TNS3: variants seen among roughly 807,000 people sequenced by gnomAD.
The protein encoded by TNS3 is tensin 3, also known as tensin-3.
A neutral mutation model predicts 140.9 loss-of-function variants in TNS3; 45 were observed. That is an observed-to-expected ratio of 0.32 (90% CI 0.25 to 0.41). The LOEUF is 0.41. Among genes scored for constraint, TNS3 ranks in the 10% least tolerant of loss-of-function variants. TNS3 has a pLI of 1.00. For missense variants in TNS3, 1,716 were observed against 1,906.7 expected (o/e 0.90, Z 1.86); for synonymous variants, 815 against 788.4 (o/e 1.03, Z -0.56).
At chr7:47,496,047 C>T (rs2151844375) in intron 3 of TNS3, among the ~76,000 whole-genome samples, 1 of 152,208 alleles carries the variant, frequency 6.6e-6, no homozygotes, top group South Asian at 2.1e-4. Context: ...GGCCCCGATG[C>T]CACCCAGCCC....
chr7:47,582,354 C>G (rs1461793486), upstream of TNS3: 4 of 449,896 alleles, frequency 8.9e-6, no homozygotes, highest in Admixed American at 2.4e-5. Context: ...CTGGAATTAT[C>G]AGACCCATTG....
chr7:47,510,553 T>C (rs1019407946), intron 2 of TNS3, among the ~76,000 whole-genome samples: 1 of 152,114 alleles, frequency 6.6e-6, no homozygotes, highest in Non-Finnish European at 1.5e-5. Context: ...AAATTTGAGA[T>C]TTCAAGTGAA....
chr7:47,545,679 A>G (rs1032594897), intron 1 of TNS3, among the ~76,000 whole-genome samples: 4 of 151,580 alleles, frequency 2.6e-5, no homozygotes, highest in Admixed American at 2.6e-4. Context: ...TCTCTAATCG[A>G]CCCCCGTCCT....
chr7:47,347,230 T>C (rs1789395356), intron 17 of TNS3, among the ~76,000 whole-genome samples: 1 of 152,200 alleles, frequency 6.6e-6, no homozygotes, highest in Non-Finnish European at 1.5e-5. Context: ...AGATGGAGTT[T>C]GATTCATAAA....
At chr7:47,504,205 T>C (rs753885137) in intron 3 of TNS3, among the ~76,000 whole-genome samples, 19 of 152,194 alleles carry the variant, frequency 1.2e-4, no homozygotes, top group Non-Finnish European at 1.5e-5. Context: ...TAGCAGTCTT[T>C]TGGCGCTTCT....
At position 47,449,992 on chromosome 7, in the gene TNS3, G is replaced by A. The variant is rs142951349; in HGVS notation, c.-75-7937C>T. On this transcript the variant is annotated intron_variant, in intron 4 of 30. Coordinates refer to ENST00000311160, the MANE Select transcript of TNS3 (RefSeq NM_022748.12). ...TGAGCTCTACAGCCCCCTCCCATGC[G>A]GATCCAGCAGAGGCACTGGCAGTCT... is the stretch of plus-strand genomic sequence containing the variant. Among the ~76,000 whole-genome samples, 330 of 151,958 alleles carry A rather than the reference G, an allele frequency of 2.2e-3. 1 individual carries two copies. Among genetic ancestry groups the A allele is most frequent in the African/African-American group, 7.6e-3 (315 of 41,564 alleles).
intron 17 of TNS3, among the ~76,000 whole-genome samples, chr7:47,357,261 G>A (rs964743150): frequency 5.3e-5 from 8 of 152,248 alleles, no homozygotes; most frequent in East Asian, 1.9e-4. Context: ...GGAATAAAGC[G>A]CGACATCACA....
At chr7:47,278,420 C>G (rs1215980359) in intron 30 of TNS3, 200 bp from the exon 31 acceptor site, 4 of 604,664 alleles carry the variant, frequency 6.6e-6, no homozygotes, top group Admixed American at 3.1e-5. Context: ...GGATGTCTGA[C>G]TCTAGCTCTG....
At chr7:47,396,449 C>T (rs1295295606) in intron 16 of TNS3, 3 of 252,650 alleles carry the variant, frequency 1.2e-5, no homozygotes, top group South Asian at 5.8e-5. Context: ...CTGTGGCCAG[C>T]GCTTGGCATC....
Position 47,560,348 on chromosome 7 carries a change from T to C in TNS3, c.-265+21703A>G, listed in dbSNP as rs1049684548. Among the ~76,000 whole-genome samples, 3 of 152,106 alleles carry C rather than the reference T, an allele frequency of 2.0e-5. No homozygotes were observed. The East Asian group carries it at 5.8e-4, about 29-fold the overall frequency. ...CACCAGACACCGAGGGCCTTGATCT[T>C]GGACTTCCAGCCTCCAGAACTGTGA... On this transcript the variant is annotated intron_variant, in intron 1 of 30. Coordinates refer to ENST00000311160, the MANE Select transcript of TNS3 (RefSeq NM_022748.12).
chr7:47,528,878 C>T (rs1337569344), intron 2 of TNS3, among the ~76,000 whole-genome samples, 158 bp downstream of exon 2: 1 of 152,072 alleles, frequency 6.6e-6, no homozygotes. Context: ...ACGGTTGGCC[C>T]CTGCTAAGTA....
chr7:47,316,786 A>AC (rs1787440526), intron 20 of TNS3, among the ~76,000 whole-genome samples: 1 of 151,404 alleles, frequency 6.6e-6, no homozygotes, highest in Admixed American at 6.6e-5. Flanking sequence ...TCAAAAAAAA[A>AC]AAAAAAAAAA....
intron 16 of TNS3, among the ~76,000 whole-genome samples, chr7:47,387,550 A>G (rs554684448): frequency 5.3e-5 from 8 of 152,350 alleles, no homozygotes; most frequent in African/African-American, 1.9e-4. Flanking sequence ...CATAAGGACA[A>G]AGGACCCAAG....
At chr7:47,408,294 T>G (rs1793558816) in intron 13 of TNS3, among the ~76,000 whole-genome samples, 2 of 152,000 alleles carry the variant, frequency 1.3e-5, no homozygotes, top group African/African-American at 4.8e-5. Flanking sequence ...AACCCACACC[T>G]CCACCACACC....
At chr7:47,317,840 G>A (rs567856456) in intron 20 of TNS3, among the ~76,000 whole-genome samples, 1 of 152,162 alleles carries the variant, frequency 6.6e-6, no homozygotes, top group Non-Finnish European at 1.5e-5. Context: ...GACAGAGAGA[G>A]AGACCCACCC....
intron 18 of TNS3, 33 bp from the exon 19 acceptor site, chr7:47,345,071 CAG>C: frequency 6.3e-7 from 1 of 1,577,998 alleles, no homozygotes; most frequent in Non-Finnish European, 8.7e-7. Context: ...AATGTGAGAA[CAG>C]GGAGTCAAGT....
chr7:47,380,691 T>C (rs1002554826), intron 16 of TNS3, among the ~76,000 whole-genome samples: 2 of 152,082 alleles, frequency 1.3e-5, no homozygotes, highest in Non-Finnish European at 2.9e-5. Context: ...CAGGTCTTTG[T>C]AGCATTACAG....
chr7:47,362,895 C>T (rs1350938070), intron 17 of TNS3, among the ~76,000 whole-genome samples: 1 of 142,922 alleles, frequency 7.0e-6, no homozygotes, highest in Non-Finnish European at 1.5e-5. Context: ...TCACCATCAC[C>T]ATCACCACCA....
At chr7:47,339,553 CT>C (rs1788827223) in intron 20 of TNS3, among the ~76,000 whole-genome samples, 1 of 152,186 alleles carries the variant, frequency 6.6e-6, no homozygotes, top group South Asian at 2.1e-4. Context: ...ACCTAAGTGT[CT>C]GTTCCTCCAT....
Sources: allele counts gnomAD v4.1 joint callset (sites outside exome capture counted in the v4.1 genomes callset), GRCh38; gene constraint gnomAD v4.1.1; transcripts MANE v1.5; gene names NCBI Gene and HGNC (gene_info 2026-07-23, HGNC 2026-07-21).